The following EXOC4 variants were observed in gnomAD, a reference collection of about 807,000 sequenced individuals.
EXOC4 encodes the protein exocyst complex component 4.
In EXOC4, 71 loss-of-function variants were observed where a neutral mutation model predicts 107.2. The ratio of observed to expected loss-of-function variants is 0.66; its 90% CI spans 0.55 to 0.81. EXOC4 has a LOEUF of 0.81. Ranked by LOEUF, EXOC4 falls within the 30% of genes least tolerant of loss-of-function variation. EXOC4 has a pLI of 0.00. For synonymous variants in EXOC4, 456 were observed against 441.2 expected (o/e 1.03, Z -0.42); for missense variants, 1,108 against 1,189.6 (o/e 0.93, Z 1.01).
rs532503064 is a variant in EXOC4 at position 134,040,261 on chromosome 7, C to A, written c.2688-24030C>A. On this transcript the variant is annotated intron_variant, in intron 17 of 17. Coordinates refer to ENST00000253861, the MANE Select transcript of EXOC4 (RefSeq NM_021807.4). Reference sequence around the variant, plus strand: ...CTTTTTTATAAATACACTATTTGGCCCAAATTTGTCAGAGTTAAAGAAAAA... The same window carrying A: ...CTTTTTTATAAATACACTATTTGGCACAAATTTGTCAGAGTTAAAGAAAAA... 9.2e-5 allele frequency among the ~76,000 whole-genome samples: 14 copies of A among 152,194 alleles called. No individual in the cohort carries two copies. In the East Asian group the frequency reaches 2.7e-3, roughly 29 times the overall value.
chr7:133,580,928 G>A (rs777336737), intron 9 of EXOC4, among the ~76,000 whole-genome samples: 1 of 152,228 alleles, frequency 6.6e-6, no homozygotes, highest in Non-Finnish European at 1.5e-5. Flanking sequence ...TATGATACAT[G>A]AATACACATG....
chr7:133,253,580 G>T, intron 1 of EXOC4: 1 of 934,068 alleles, frequency 1.1e-6, no homozygotes, highest in Non-Finnish European at 1.3e-6. Context: ...CTGGACTTTG[G>T]GGTGTAAGGC....
intron 6 of EXOC4, among the ~76,000 whole-genome samples, chr7:133,369,405 A>G (rs1796314623): frequency 6.6e-6 from 1 of 152,104 alleles, no homozygotes; most frequent in African/African-American, 2.4e-5. Context: ...CCACTCAATG[A>G]TCCACTGAAA....
Position 133,417,975 on chromosome 7 carries a change from CT to C in EXOC4, c.1182+42974del, listed in dbSNP as rs1157612333. 5.3e-5 allele frequency among the ~76,000 whole-genome samples: 8 copies of C among 152,254 alleles called. No individual in the cohort carries two copies. In the East Asian group the frequency reaches 1.5e-3, roughly 29 times the overall value. ...AGCCATAGTATTAATAACTAAATGTCTCTTCCATGTTTTACTAAAAAAGTAA... is the reference window on the plus strand; with the variant it reads ...AGCCATAGTATTAATAACTAAATGTCCTTCCATGTTTTACTAAAAAAGTAA... On this transcript the variant is annotated intron_variant, in intron 7 of 17. Transcript: ENST00000253861.
intron 11 of EXOC4, among the ~76,000 whole-genome samples, chr7:133,842,980 T>C (rs369955721): frequency 1.4e-3 from 208 of 152,290 alleles, no homozygotes; most frequent in African/African-American, 4.5e-3. Flanking sequence ...TGCAGCATTA[T>C]TTCTGCTCTC....
At chr7:133,552,760 G>A (rs766448613) in intron 9 of EXOC4, among the ~76,000 whole-genome samples, 2 of 152,084 alleles carry the variant, frequency 1.3e-5, no homozygotes, top group East Asian at 3.9e-4. Context: ...ACAGTATCTG[G>A]TGCAAAGTAC....
chr7:134,029,988 A>G (rs1357373871), intron 17 of EXOC4, among the ~76,000 whole-genome samples: 1 of 152,230 alleles, frequency 6.6e-6, no homozygotes, highest in Non-Finnish European at 1.5e-5. Context: ...CACTTGCTTG[A>G]GGTTATAACA....
At chr7:133,400,084 C>T (rs1305258288) in intron 7 of EXOC4, among the ~76,000 whole-genome samples, 3 of 152,096 alleles carry the variant, frequency 2.0e-5, no homozygotes, top group East Asian at 3.9e-4. Flanking sequence ...CTTGGATCTG[C>T]GGGGGCAGGA....
rs186386384 is a variant in EXOC4 at position 133,740,678 on chromosome 7, A to C, written c.1515-76647A>C. Among the ~76,000 whole-genome samples the C allele has an allele frequency of 4.6e-5, 7 of 152,292 alleles. No homozygotes were observed. In the East Asian group the frequency reaches 9.7e-4, roughly 21 times the overall value. ...TGTCCTTCTAATTAACACTATTCAGAATGAGATATTTTCTGAGAAACAAAG... is the reference window on the plus strand; with the variant it reads ...TGTCCTTCTAATTAACACTATTCAGCATGAGATATTTTCTGAGAAACAAAG... On this transcript the variant is annotated intron_variant, in intron 10 of 17. Transcript: ENST00000253861.
intron 4 of EXOC4, chr7:133,314,968 T>C (rs1794956669): frequency 1.3e-5 from 2 of 152,236 alleles, no homozygotes; most frequent in Admixed American, 6.5e-5. Flanking sequence ...CATTTGTCCA[T>C]TGAAGCATTT....
Position 133,862,158 on chromosome 7 carries a change from C to CT in EXOC4, c.1735-33426dup, listed in dbSNP as rs1231355625. On this transcript the variant is annotated intron_variant, in intron 11 of 17. Coordinates refer to ENST00000253861, the MANE Select transcript of EXOC4 (RefSeq NM_021807.4). ...ATGGTTCATGTCTTTAGTTTTCTTT[C>CT]TTTTTTTTTTTTTTTAATTTTATGT... 8.3e-3 allele frequency among the ~76,000 whole-genome samples: 1,170 copies of CT among 140,262 alleles called. 16 individuals carry two copies. The highest frequency in any genetic ancestry group is 0.025 in the African/African-American group (943 of 38,426). The allele number at this position is 140,262 out of a possible 152,430, so 92.0% of individuals were successfully genotyped here.
intron 17 of EXOC4, among the ~76,000 whole-genome samples, chr7:134,028,583 C>G (rs570411791): frequency 1.8e-3 from 267 of 152,266 alleles, no homozygotes; most frequent in African/African-American, 6.2e-3. Context: ...TGGAGGGTGG[C>G]TGGACTTCTC....
rs142805314 is a variant in EXOC4, at chr7:133,597,448, G to T, written c.1418-32597G>T. ...ACATGCCTTTAATCCCAGCTGCTCG[G>T]CAGGCTGAGGCAGGAGAATCGCTTG... On this transcript the variant is annotated intron_variant, in intron 9 of 17. Transcript: ENST00000253861. Among the ~76,000 whole-genome samples, 1,074 of 151,762 alleles carry T rather than the reference G, an allele frequency of 7.1e-3. 10 individuals carry two copies. Among genetic ancestry groups the T allele is most frequent in the African/African-American group, 0.024 (981 of 41,372 alleles).
chr7:133,386,813 A>G (rs1796737274), intron 7 of EXOC4, among the ~76,000 whole-genome samples: 2 of 144,808 alleles, frequency 1.4e-5, no homozygotes, highest in African/African-American at 2.6e-5. Context: ...TGAAAGACGT[A>G]ATGAAAGGAG....
chr7:133,504,373 T>C (rs563444661), intron 9 of EXOC4, among the ~76,000 whole-genome samples: 38 of 152,234 alleles, frequency 2.5e-4, no homozygotes, highest in African/African-American at 8.9e-4. Context: ...GTTTGTTTGT[T>C]TTTTCTCCTT....
chr7:133,615,499 G>A (rs1431657236), intron 9 of EXOC4, among the ~76,000 whole-genome samples: 1 of 152,150 alleles, frequency 6.6e-6, no homozygotes, highest in Non-Finnish European at 1.5e-5. Context: ...AAGTTTTTAG[G>A]AAGTGAAAAG....
chr7:133,321,482 A>G (rs1258211343), intron 5 of EXOC4, among the ~76,000 whole-genome samples: 1 of 152,048 alleles, frequency 6.6e-6, no homozygotes. Context: ...ATATGTTCTC[A>G]TTGTTCAACT....
At chr7:133,663,822 A>G (rs1455198320) in intron 10 of EXOC4, among the ~76,000 whole-genome samples, 2 of 152,182 alleles carry the variant, frequency 1.3e-5, no homozygotes, top group Non-Finnish European at 2.9e-5. Context: ...CCTTTTAACC[A>G]TAATGATGCT....
chr7:133,309,775 A>G (rs1430618684), intron 4 of EXOC4, among the ~76,000 whole-genome samples: 4 of 152,166 alleles, frequency 2.6e-5, no homozygotes, highest in Non-Finnish European at 5.9e-5. Context: ...CCCCATCTCT[A>G]CTGAAAGTGT....
Sources: allele counts gnomAD v4.1 joint callset (sites outside exome capture counted in the v4.1 genomes callset), GRCh38; gene constraint gnomAD v4.1.1; transcripts MANE v1.5; gene names NCBI Gene and HGNC (gene_info 2026-07-23, HGNC 2026-07-21).